The following TLN2 variants were observed in gnomAD, a reference collection of about 807,000 sequenced individuals.
TLN2 encodes talin-2.
Under a neutral mutation model 294.7 loss-of-function variants are expected in TLN2, and 118 were observed. That is an observed-to-expected ratio of 0.40 (90% CI 0.34 to 0.47). The LOEUF (loss-of-function observed/expected upper bound fraction) is 0.47, where lower values mean the gene tolerates loss of function less well. Among genes scored for constraint, TLN2 ranks in the 20% least tolerant of loss-of-function variants. The pLI is 0.84. For synonymous variants in TLN2, 1,431 were observed against 1,304.5 expected (o/e 1.10, Z -2.09); for missense variants, 3,083 against 3,282.2 (o/e 0.94, Z 1.48).
intron 1 of TLN2, among the ~76,000 whole-genome samples, chr15:62,588,071 A>G (rs1308250950): frequency 3.9e-5 from 6 of 151,988 alleles, no homozygotes; most frequent in East Asian, 1.9e-4. Context: ...TAGTAGAGAC[A>G]GGGTTTCACC....
At chr15:62,516,869 T>C (rs1398812768) in intron 1 of TLN2, among the ~76,000 whole-genome samples, 2 of 152,190 alleles carry the variant, frequency 1.3e-5, no homozygotes, top group African/African-American at 4.8e-5. Flanking sequence ...TGAGGCAGAA[T>C]TAGGTATTGA....
Position 62,842,420 on chromosome 15 carries a change from G to A in TLN2, c.*1810G>A, listed in dbSNP as rs2070799668. 6.6e-6 allele frequency: 1 copy of A among 152,224 alleles called. No homozygotes were observed. The highest frequency in any genetic ancestry group is 1.5e-5 in the Non-Finnish European group (1 of 68,114). The allele number at this position is 152,224 out of a possible 1,614,324, so 9.4% of individuals were successfully genotyped here. On this transcript the variant is annotated 3_prime_UTR_variant, in exon 59 of 59. Transcript: ENST00000636159. ...CTCATGCCTGCCTTGGCCGGACACTGAGAGGAGGGGCACACGTGCTTCCAG... is the reference window on the plus strand; with the variant it reads ...CTCATGCCTGCCTTGGCCGGACACTAAGAGGAGGGGCACACGTGCTTCCAG...
Position 62,783,731 on chromosome 15 carries a change from G to GTTTC in TLN2, c.5617-39_5617-38insTTCT. 2.1e-6 allele frequency: 3 copies of GTTTC among 1,436,034 alleles called. No homozygotes were observed. The South Asian group carries it at 3.8e-5, about 18-fold the overall frequency. 89.0% of individuals were successfully genotyped at this position (1,436,034 alleles called of 1,614,324 possible). On this transcript the variant is annotated intron_variant, in intron 44 of 58. Coordinates refer to ENST00000636159, the MANE Select transcript of TLN2 (RefSeq NM_015059.3). ...CTCATGCGTTTCTCTCTGTGTGTGT[G>GTTTC]TGTGTGTGTGTGTGTGTCTTGCTTG...
chr15:62,512,022 C>G (rs1376280735), intron 1 of TLN2, among the ~76,000 whole-genome samples: 1 of 152,164 alleles, frequency 6.6e-6, no homozygotes, highest in Non-Finnish European at 1.5e-5. Context: ...CAAAACTCAA[C>G]TCTAGTCCTA....
intron 3 of TLN2, among the ~76,000 whole-genome samples, chr15:62,626,113 A>G (rs185083096): frequency 6.6e-6 from 1 of 152,356 alleles, no homozygotes; most frequent in Admixed American, 6.5e-5. Flanking sequence ...ATAACGATAT[A>G]CATGACAGAT....
At chr15:62,566,707 C>G (rs2043428961) in intron 1 of TLN2, among the ~76,000 whole-genome samples, 1 of 151,544 alleles carries the variant, frequency 6.6e-6, no homozygotes, top group East Asian at 2.0e-4. Context: ...CACTGCAGCC[C>G]CAAACTCCTG....
chr15:62,459,706 G>A (rs1189204093), intron 1 of TLN2, among the ~76,000 whole-genome samples: 1 of 152,158 alleles, frequency 6.6e-6, no homozygotes, highest in Non-Finnish European at 1.5e-5. Context: ...AGTCTTAGTA[G>A]GTGTCCTGGG....
chr15:62,782,764 G>A (rs1041991164), intron 44 of TLN2, among the ~76,000 whole-genome samples: 1 of 152,228 alleles, frequency 6.6e-6, no homozygotes, highest in Non-Finnish European at 1.5e-5. Flanking sequence ...GCCTTAGAAA[G>A]GGTGGACATT....
At chr15:62,679,350 A>C (rs2056576717) in intron 11 of TLN2, among the ~76,000 whole-genome samples, 1 of 152,242 alleles carries the variant, frequency 6.6e-6, no homozygotes, top group Non-Finnish European at 1.5e-5. Context: ...TGTTAGCCAA[A>C]AGTAAGAAAC....
chr15:62,679,149 T>C (rs2056553001), intron 11 of TLN2, among the ~76,000 whole-genome samples: 1 of 151,702 alleles, frequency 6.6e-6, no homozygotes, highest in African/African-American at 2.4e-5. Context: ...TATGGAAAAA[T>C]TGGAACCCCC....
chr15:62,488,494 C>G (rs953066986), intron 1 of TLN2, among the ~76,000 whole-genome samples: 4 of 152,122 alleles, frequency 2.6e-5, no homozygotes, highest in Non-Finnish European at 4.4e-5. Flanking sequence ...CCTTGCAGAC[C>G]ACCAGCAGGA....
chr15:62,573,938 C>T (rs766307353), intron 1 of TLN2, among the ~76,000 whole-genome samples: 6 of 152,062 alleles, frequency 3.9e-5, no homozygotes, highest in Non-Finnish European at 7.4e-5. Flanking sequence ...GGAGCTCAGC[C>T]GCCTGACTCC....
At chr15:62,492,287 G>A (rs928741715) in intron 1 of TLN2, among the ~76,000 whole-genome samples, 1 of 151,722 alleles carries the variant, frequency 6.6e-6, no homozygotes, top group African/African-American at 2.4e-5. Flanking sequence ...AGCCGGGTGC[G>A]GTGGCTGATG....
chr15:62,783,237 A>G (rs2064336731), intron 44 of TLN2, among the ~76,000 whole-genome samples: 1 of 152,190 alleles, frequency 6.6e-6, no homozygotes, highest in African/African-American at 2.4e-5. Flanking sequence ...AGCACTTGTC[A>G]TTCATGGTTT....
chr15:62,441,271 A>G (rs2035531847), intron 1 of TLN2, among the ~76,000 whole-genome samples: 1 of 152,140 alleles, frequency 6.6e-6, no homozygotes, highest in Non-Finnish European at 1.5e-5. Context: ...TTGCTCTGTC[A>G]CCCAGGCTGG....
chr15:62,799,849 G>A (rs1439768917), intron 48 of TLN2, among the ~76,000 whole-genome samples: 1 of 152,222 alleles, frequency 6.6e-6, no homozygotes, highest in Non-Finnish European at 1.5e-5. Flanking sequence ...CTGAGTCCCA[G>A]TTAGAACAAT....
chr15:62,410,099 GGGC>G (rs1272504293), intron 1 of TLN2, among the ~76,000 whole-genome samples: 9 of 152,080 alleles, frequency 5.9e-5, no homozygotes, highest in Non-Finnish European at 1.3e-4. Context: ...AAAATTAGCC[GGGC>G]GTGGTGGTGT....
chr15:62,506,714 A>C (rs1031184280), intron 1 of TLN2, among the ~76,000 whole-genome samples: 3 of 152,226 alleles, frequency 2.0e-5, no homozygotes, highest in African/African-American at 7.2e-5. Context: ...TGAAGTTATA[A>C]ATAACTAAGC....
At chr15:62,627,644 G>A (rs576913228) in intron 3 of TLN2, among the ~76,000 whole-genome samples, 1 of 152,072 alleles carries the variant, frequency 6.6e-6, no homozygotes, top group Non-Finnish European at 1.5e-5. Flanking sequence ...TGCAGGCTGA[G>A]GGTTTTTTCT....
Sources: allele counts gnomAD v4.1 joint callset (sites outside exome capture counted in the v4.1 genomes callset), GRCh38; gene constraint gnomAD v4.1.1; transcripts MANE v1.5; gene names NCBI Gene and HGNC (gene_info 2026-07-23, HGNC 2026-07-21).